MACF1: variants seen among roughly 807,000 people sequenced by gnomAD.
The protein encoded by MACF1 is microtubule-actin cross-linking factor 1.
MACF1 carries 193 observed loss-of-function variants against 854.8 expected under a neutral mutation model. The observed-to-expected ratio is 0.23, with a 90% CI of 0.20 to 0.25. The LOEUF (loss-of-function observed/expected upper bound fraction) is 0.25. Ranked by LOEUF, MACF1 falls within the 10% of genes least tolerant of loss-of-function variation. The pLI is 1.00. For synonymous variants in MACF1, 3,185 were observed against 3,226.7 expected (o/e 0.99, Z 0.44); for missense variants, 7,722 against 8,929.1 (o/e 0.86, Z 5.45).
chr1:39,325,449 C>A (rs937330464), intron 35 of MACF1, among the ~76,000 whole-genome samples: 1 of 152,074 alleles, frequency 6.6e-6, no homozygotes, highest in Non-Finnish European at 1.5e-5. Context: ...ACTGCTCTTT[C>A]AAGAAGCCAG....
chr1:39,259,950 T>G (rs1486686990), intron 6 of MACF1, among the ~76,000 whole-genome samples: 4 of 152,208 alleles, frequency 2.6e-5, no homozygotes, highest in Middle Eastern at 3.2e-3. Flanking sequence ...TTTAAAAATT[T>G]CATTTCTTTC....
At chr1:39,254,909 C>T (rs1645080677) in intron 5 of MACF1, among the ~76,000 whole-genome samples, 1 of 151,776 alleles carries the variant, frequency 6.6e-6, no homozygotes, top group South Asian at 2.1e-4. Context: ...TTTTCCTTCC[C>T]TGGATGAGGA....
intron 2 of MACF1, among the ~76,000 whole-genome samples, chr1:39,159,127 G>GAGGGTTTTACAGA (rs1643747820): frequency 6.6e-6 from 1 of 152,182 alleles, no homozygotes; most frequent in Non-Finnish European, 1.5e-5. Flanking sequence ...CTCTGAGCTG[G>GAGGGTTTTACAGA]CCCTATTTTT....
In MACF1 at chr1:39,283,351, C is replaced by A; in HGVS notation, c.808+50C>A. ...AGTAAGGAACACGTATTCAGTATTC[C>A]TTCTTCTGGCAAGTTCCTTTGTTCT... On this transcript the variant is annotated intron_variant, in intron 8 of 100. Transcript: ENST00000564288. The surrounding 1 kb of genome is among the most constrained non-coding windows in gnomAD (Gnocchi z 4.5). 6.3e-7 allele frequency: 1 copy of A among 1,581,862 alleles called. No individual in the cohort carries two copies. Among genetic ancestry groups the A allele is most frequent in the Non-Finnish European group, 8.7e-7 (1 of 1,150,710 alleles).
chr1:39,131,976 T>G (rs1223750352), intron 2 of MACF1, among the ~76,000 whole-genome samples: 4 of 152,192 alleles, frequency 2.6e-5, no homozygotes, highest in Non-Finnish European at 1.5e-5. Context: ...TAACAGTTAT[T>G]TTGCGGTTCC....
chr1:39,135,135 C>T (rs981352459), intron 2 of MACF1, among the ~76,000 whole-genome samples: 2 of 152,180 alleles, frequency 1.3e-5, no homozygotes, highest in Non-Finnish European at 2.9e-5. Context: ...CTTTTTAAGG[C>T]TAAATAATAT....
At chr1:39,269,778 C>A in intron 6 of MACF1, 1 of 1,217,350 alleles carries the variant, frequency 8.2e-7, no homozygotes, top group Non-Finnish European at 1.1e-6. Context: ...GGCCCTCAAA[C>A]ATATTAAAGC....
At chr1:39,095,946 A>T (rs965775129) in intron 2 of MACF1, among the ~76,000 whole-genome samples, 5 of 152,106 alleles carry the variant, frequency 3.3e-5, no homozygotes, top group Non-Finnish European at 5.9e-5. Flanking sequence ...AGGCAGGAGA[A>T]TCACTTGAGT....
intron 31 of MACF1, 47 bp from the exon 32 acceptor site, chr1:39,322,561 G>A: frequency 6.9e-7 from 1 of 1,452,768 alleles, no homozygotes. Flanking sequence ...TGATGTATGT[G>A]AATTATAAAA....
chr1:39,104,391 CT>C (rs1383894364), intron 2 of MACF1, among the ~76,000 whole-genome samples: 1 of 152,196 alleles, frequency 6.6e-6, no homozygotes, highest in Non-Finnish European at 1.5e-5. Flanking sequence ...TTCCAGTTTC[CT>C]TTCTTTACTC....
chr1:39,149,734 C>CTGATA (rs2148194425), intron 2 of MACF1, among the ~76,000 whole-genome samples: 1 of 73,566 alleles, frequency 1.4e-5, no homozygotes, highest in South Asian at 6.4e-4. Context: ...TCATCCCAGC[C>CTGATA]CGATATTTAA....
intron 63 of MACF1, 63 bp downstream of exon 63, chr1:39,428,350 T>C: frequency 7.0e-7 from 1 of 1,419,044 alleles, no homozygotes; most frequent in East Asian, 2.5e-5. Context: ...TGATTCATGT[T>C]TCTCTTCATT....
rs777900207 is a variant in MACF1, at chr1:39,316,520, G to A, written c.3579G>A (p.Ser1193=). ...TCTCAGCTCTGGAGGCCCATTGGTC[G>A]ACATTACGGGTGAGTTGCTCTGAGT... The part of the protein sequence containing the change: ...ADLSALEAHW[S]TLRHWLSDVK... The change falls in exon 28 of 101, where the codon TCG becomes TCA. Residue 1193 remains serine, a synonymous_variant. Coordinates refer to ENST00000564288, the MANE Select transcript of MACF1 (RefSeq NM_001394062.1). 27 of 1,612,804 alleles carry A rather than the reference G, an allele frequency of 1.7e-5. No individual in the cohort carries two copies. Among genetic ancestry groups the A allele is most frequent in the Admixed American group, 5.0e-5 (3 of 59,918 alleles).
chr1:39,202,179 G>A (rs1192809323), upstream of MACF1, among the ~76,000 whole-genome samples: 1 of 148,812 alleles, frequency 6.7e-6, no homozygotes, highest in Non-Finnish European at 1.5e-5. Flanking sequence ...TGTTAGCCAT[G>A]ATGGTCTCAG....
intron 88 of MACF1, 23 bp from the exon 89 acceptor site, chr1:39,454,886 A>G (rs201989449): frequency 3.3e-4 from 520 of 1,598,888 alleles, no homozygotes; most frequent in Non-Finnish European, 3.4e-4. Flanking sequence ...GAAAGAGGCC[A>G]TGGTTTCCTT....
At chr1:39,213,442 C>G (rs569400708) in intron 1 of MACF1, among the ~76,000 whole-genome samples, 51 of 152,304 alleles carry the variant, frequency 3.3e-4, no homozygotes, top group Non-Finnish European at 6.6e-4. Context: ...AGCAGTTCTC[C>G]TGCCTCAGCC....
intron 6 of MACF1, among the ~76,000 whole-genome samples, chr1:39,276,107 A>G (rs1001698754): frequency 1.3e-5 from 2 of 151,964 alleles, no homozygotes; most frequent in Non-Finnish European, 2.9e-5. Flanking sequence ...TTTTGTAGAG[A>G]CAATTTCTCA....
intron 2 of MACF1, among the ~76,000 whole-genome samples, chr1:39,090,077 C>G (rs1641766348): frequency 6.6e-6 from 1 of 152,146 alleles, no homozygotes; most frequent in African/African-American, 2.4e-5. Context: ...TGTCAGGGAG[C>G]AGATGGAAGT....
chr1:39,324,414 A>G, intron 34 of MACF1, 69 bp downstream of exon 34: 2 of 1,553,116 alleles, frequency 1.3e-6, no homozygotes, highest in Non-Finnish European at 1.7e-6. Context: ...GTGGAATAGT[A>G]GAAGTCACAT....
Sources: allele counts gnomAD v4.1 joint callset (sites outside exome capture counted in the v4.1 genomes callset), GRCh38; gene constraint gnomAD v4.1.1; non-coding constraint Gnocchi (gnomAD v3.1); transcripts MANE v1.5; gene names NCBI Gene and HGNC (gene_info 2026-07-23, HGNC 2026-07-21).